SGCD: variants seen among roughly 807,000 people sequenced by gnomAD.
SGCD encodes the protein sarcoglycan delta, also known as delta-sarcoglycan.
A neutral mutation model predicts 36.6 loss-of-function variants in SGCD; 18 were observed. The ratio of observed to expected loss-of-function variants is 0.49; its 90% CI spans 0.34 to 0.73. The LOEUF is 0.73. SGCD is among the 30% of genes least tolerant of loss of function. SGCD has a pLI of 0.01. For missense variants in SGCD, 387 were observed against 346.7 expected, an observed-to-expected ratio of 1.12 and a Z score of -0.92; for synonymous variants, 133 against 130.6, an observed-to-expected ratio of 1.02 and a Z score of -0.12.
chr5:156,093,202 C>T (rs978581660), intron 1 of SGCD, among the ~76,000 whole-genome samples: 2 of 152,170 alleles, frequency 1.3e-5, no homozygotes, highest in Admixed American at 6.5e-5. Context: ...CTACAATAGG[C>T]CCATTGTTTG....
intron 3 of SGCD, among the ~76,000 whole-genome samples, chr5:156,251,985 A>G (rs1342413052): frequency 6.6e-6 from 1 of 152,220 alleles, no homozygotes; most frequent in Non-Finnish European, 1.5e-5. Context: ...CTATAAACTT[A>G]ATAACTTTGT....
At chr5:156,540,552 C>T (rs1432683) in intron 4 of SGCD, among the ~76,000 whole-genome samples, 34,052 of 152,058 alleles carry the variant, frequency 0.22, 4,592 homozygotes, top group Non-Finnish European at 0.31. Flanking sequence ...CCTGTTCCTC[C>T]CTGAATATTT....
chr5:156,162,466 T>C (rs996095951), intron 3 of SGCD, among the ~76,000 whole-genome samples: 6 of 151,504 alleles, frequency 4.0e-5, no homozygotes, highest in Admixed American at 1.3e-4. Flanking sequence ...CAGCTCTCCA[T>C]TGAGCAAGTG....
chr5:156,228,132 A>C (rs1025830558), intron 3 of SGCD, among the ~76,000 whole-genome samples: 6 of 152,108 alleles, frequency 3.9e-5, no homozygotes, highest in Admixed American at 2.0e-4. Context: ...GTTGGATGAA[A>C]ATGTTCCGTA....
chr5:156,545,149 T>TTC, intron 4 of SGCD, among the ~76,000 whole-genome samples: 1 of 152,222 alleles, frequency 6.6e-6, no homozygotes, highest in East Asian at 1.9e-4. Flanking sequence ...GTTTGTCCCA[T>TTC]GAAATTAGAA....
intron 3 of SGCD, among the ~76,000 whole-genome samples, chr5:156,469,326 C>T (rs961983773): frequency 4.6e-5 from 7 of 152,248 alleles, no homozygotes; most frequent in Non-Finnish European, 8.8e-5. Context: ...AGTCCAAAAG[C>T]GTACATTTTG....
intron 4 of SGCD, among the ~76,000 whole-genome samples, chr5:156,563,022 G>C (rs1388781540): frequency 3.3e-5 from 5 of 151,940 alleles, no homozygotes; most frequent in African/African-American, 1.2e-4. Context: ...TTGTTGCCCA[G>C]GTTGGAGTGC....
intron 3 of SGCD, among the ~76,000 whole-genome samples, chr5:156,448,633 C>T (rs1181710135): frequency 6.6e-6 from 1 of 151,714 alleles, no homozygotes; most frequent in Non-Finnish European, 1.5e-5. Context: ...TTGGCAGTTG[C>T]CTGTTCCAGG....
intron 3 of SGCD, among the ~76,000 whole-genome samples, chr5:156,302,826 C>G (rs1277258796): frequency 1.3e-5 from 2 of 152,156 alleles, no homozygotes; most frequent in Admixed American, 6.5e-5. Context: ...CAAATAGAGT[C>G]TCTCTTTTCA....
chr5:155,743,781 A>G, the SGCD span, among the ~76,000 whole-genome samples: 1 of 152,222 alleles, frequency 6.6e-6, no homozygotes, highest in African/African-American at 2.4e-5. Context: ...AGTGCCGAGC[A>G]AGGAGCAGAT....
rs559779915 is a variant in SGCD at position 156,226,354 on chromosome 5, A to G, written c.-44+102335A>G. ...CCATTCCTGAGTTATTTTACCTACA[A>G]TAAGAGTCTCCAATCTCATCCAGGT... is the stretch of plus-strand genomic sequence containing the variant. On this transcript the variant is annotated intron_variant, in intron 3 of 9. Transcript: ENST00000517913. Among the ~76,000 whole-genome samples the G allele has an allele frequency of 4.1e-4, 62 of 152,240 alleles. No homozygotes were observed. In the South Asian group the frequency reaches 0.012, roughly 30 times the overall value.
At chr5:156,078,230 A>T (rs1196236614) in intron 1 of SGCD, among the ~76,000 whole-genome samples, 1 of 151,834 alleles carries the variant, frequency 6.6e-6, no homozygotes, top group Non-Finnish European at 1.5e-5. Flanking sequence ...GAAATAATAC[A>T]ACGCCGGGTG....
chr5:156,740,441 T>C (rs1756612974), intron 7 of SGCD, among the ~76,000 whole-genome samples: 1 of 152,380 alleles, frequency 6.6e-6, no homozygotes, highest in Admixed American at 6.5e-5. Context: ...CAATGAATTA[T>C]GTCACCTTCT....
At chr5:156,603,316 G>T (rs1761276662) in intron 6 of SGCD, among the ~76,000 whole-genome samples, 1 of 151,728 alleles carries the variant, frequency 6.6e-6, no homozygotes, top group South Asian at 2.1e-4. Flanking sequence ...TTTTATTTGA[G>T]TCTTCTCTTT....
chr5:156,535,526 G>A (rs957608424), intron 4 of SGCD, among the ~76,000 whole-genome samples: 2 of 152,176 alleles, frequency 1.3e-5, no homozygotes, highest in African/African-American at 2.4e-5. Context: ...TCTTTGTAAT[G>A]TGTGGGACCC....
intron 3 of SGCD, among the ~76,000 whole-genome samples, chr5:156,504,818 T>C (rs1438521109): frequency 1.3e-5 from 2 of 152,192 alleles, no homozygotes; most frequent in East Asian, 1.9e-4. Context: ...TATATGTAAG[T>C]AGTGTAAGAA....
intron 1 of SGCD, among the ~76,000 whole-genome samples, chr5:156,056,645 T>TAAAAAAAAAAAAAAAAAAAAAAA (rs561328077): frequency 1.6e-4 from 11 of 68,278 alleles, no homozygotes; most frequent in African/African-American, 7.8e-4. Context: ...AAATTATCCT[T>TAAAAAAAAAAAAAAAAAAAAAAA]AAAAAAAAAA....
At chr5:155,744,690 C>A in the SGCD span, among the ~76,000 whole-genome samples, 1 of 151,934 alleles carries the variant, frequency 6.6e-6, no homozygotes, top group South Asian at 2.1e-4. Flanking sequence ...AAGACATTAC[C>A]CCAGAATTCA....
chr5:156,276,071 G>A (rs1478488954), intron 3 of SGCD, among the ~76,000 whole-genome samples: 1 of 152,106 alleles, frequency 6.6e-6, no homozygotes, highest in Non-Finnish European at 1.5e-5. Flanking sequence ...GTAGGTACAG[G>A]AAGTTGTTTC....
Sources: allele counts gnomAD v4.1 joint callset (sites outside exome capture counted in the v4.1 genomes callset), GRCh38; gene constraint gnomAD v4.1.1; transcripts MANE v1.5; gene names NCBI Gene and HGNC (gene_info 2026-07-23, HGNC 2026-07-21).